LYSET: variants seen among roughly 807,000 people sequenced by gnomAD.
LYSET encodes the protein lysosomal enzyme trafficking factor.
the LYSET span, chr14:93,185,163 G>A: frequency 3.0e-5 from 5 of 166,678 alleles, no homozygotes; most frequent in Non-Finnish European, 6.3e-5. Flanking sequence ...GCGGCGTGCC[G>A]GCGCTGCAGC....
chr14:93,188,373 GGTTA>G, the LYSET span, among the ~76,000 whole-genome samples: 14 of 152,242 alleles, frequency 9.2e-5, no homozygotes, highest in South Asian at 2.5e-3. Flanking sequence ...TCAGGCAGTA[GGTTA>G]ATTACATGAA....
At chr14:93,188,041 C>T in the LYSET span, among the ~76,000 whole-genome samples, 3 of 151,964 alleles carry the variant, frequency 2.0e-5, no homozygotes, top group South Asian at 4.2e-4. Context: ...TCACTGCAAC[C>T]TCCACCTCCC....
At chr14:93,185,539 G>A in the LYSET span, 3 of 1,447,382 alleles carry the variant, frequency 2.1e-6, no homozygotes, top group Non-Finnish European at 1.9e-6. Flanking sequence ...GTAGCACCCC[G>A]CGTTCACGTC....
the LYSET span, chr14:93,186,736 G>A: frequency 1.3e-6 from 2 of 1,487,178 alleles, no homozygotes; most frequent in Non-Finnish European, 1.8e-6. Flanking sequence ...CTGATCACAA[G>A]ACTGCAGTTT....
At chr14:93,186,507 C>G in the LYSET span, 101 of 1,614,188 alleles carry the variant, frequency 6.3e-5, no homozygotes, top group African/African-American at 1.2e-3. Context: ...TTTTCTGGTA[C>G]CTTACTTACA....
At chr14:93,185,441 C>A in the LYSET span, 1 of 1,613,576 alleles carries the variant, frequency 6.2e-7, no homozygotes, top group South Asian at 1.1e-5. Context: ...AGCTGAGTGA[C>A]TCTTTAACGC....
the LYSET span, among the ~76,000 whole-genome samples, chr14:93,185,855 A>T: frequency 7.1e-6 from 1 of 141,298 alleles, no homozygotes; most frequent in African/African-American, 2.7e-5. Flanking sequence ...TGTTAGTGGG[A>T]TATTTTAGAA....
chr14:93,188,460 T>C, the LYSET span, among the ~76,000 whole-genome samples: 1 of 152,220 alleles, frequency 6.6e-6, no homozygotes, highest in Non-Finnish European at 1.5e-5. Flanking sequence ...AACTAAAACA[T>C]GGACACAGTA....
the LYSET span, among the ~76,000 whole-genome samples, chr14:93,187,802 C>T: frequency 6.6e-6 from 1 of 151,854 alleles, no homozygotes; most frequent in Non-Finnish European, 1.5e-5. Context: ...GTGACCACCA[C>T]CATGCCTGGC....
the LYSET span, chr14:93,186,624 G>C: frequency 6.2e-7 from 1 of 1,613,870 alleles, no homozygotes; most frequent in South Asian, 1.1e-5. Context: ...CCAGGCATTT[G>C]TCAAGGCTTC....
At chr14:93,187,709 G>A in the LYSET span, among the ~76,000 whole-genome samples, 2 of 152,060 alleles carry the variant, frequency 1.3e-5, no homozygotes, top group African/African-American at 4.8e-5. Flanking sequence ...TTGGCTCACT[G>A]GAACCTTCGG....
the LYSET span, chr14:93,185,463 A>G: frequency 6.2e-7 from 1 of 1,612,622 alleles, no homozygotes; most frequent in Non-Finnish European, 8.5e-7. Flanking sequence ...TGCCGTGGGA[A>G]CAGGAAGATT....
the LYSET span, chr14:93,186,318 T>C: frequency 3.1e-6 from 5 of 1,614,010 alleles, no homozygotes; most frequent in African/African-American, 5.3e-5. Flanking sequence ...TGGAGTGGGA[T>C]TGTATCTGTT....
the LYSET span, among the ~76,000 whole-genome samples, chr14:93,185,697 A>G: frequency 6.6e-6 from 1 of 152,148 alleles, no homozygotes; most frequent in African/African-American, 2.4e-5. Flanking sequence ...ATTCCCGTTA[A>G]AAAGCAGAAC....
chr14:93,186,104 C>T, the LYSET span, among the ~76,000 whole-genome samples: 2 of 152,266 alleles, frequency 1.3e-5, no homozygotes, highest in East Asian at 3.9e-4. Flanking sequence ...CACCTGACCT[C>T]GTGATCCACC....
At chr14:93,187,492 C>T in the LYSET span, among the ~76,000 whole-genome samples, 5 of 151,800 alleles carry the variant, frequency 3.3e-5, no homozygotes, top group African/African-American at 9.7e-5. Context: ...TGAGAACGTA[C>T]GCTCCAATGC....
At chr14:93,187,231 G>A in the LYSET span, 17 of 159,484 alleles carry the variant, frequency 1.1e-4, no homozygotes, top group African/African-American at 4.1e-4. Context: ...AGCAGAATTT[G>A]TTCTTCCTCT....
At chr14:93,187,373 C>G in the LYSET span, among the ~76,000 whole-genome samples, 1 of 152,118 alleles carries the variant, frequency 6.6e-6, no homozygotes, top group Non-Finnish European at 1.5e-5. Flanking sequence ...TTCCTCCTCT[C>G]TCTGGCTCCC....
the LYSET span, chr14:93,186,768 G>A: frequency 7.5e-7 from 1 of 1,339,548 alleles, no homozygotes; most frequent in Non-Finnish European, 1.0e-6. Context: ...TCAGGAAGTT[G>A]TCGTGGGGCA....
Sources: allele counts gnomAD v4.1 joint callset (sites outside exome capture counted in the v4.1 genomes callset), GRCh38; gene constraint gnomAD v4.1.1; transcripts MANE v1.5; gene names NCBI Gene and HGNC (gene_info 2026-07-23, HGNC 2026-07-21).